The following RAB12 variants were observed in gnomAD, a reference collection of about 807,000 sequenced individuals.
RAB12 encodes the protein RAB12, member RAS oncogene family, also known as ras-related protein Rab-12.
Under a neutral mutation model 28.4 loss-of-function variants are expected in RAB12, and 11 were observed. The ratio of observed to expected loss-of-function variants is 0.39; its 90% confidence interval spans 0.24 to 0.64. RAB12 has a LOEUF of 0.64. Ranked by LOEUF, RAB12 falls within the 30% of genes least tolerant of loss-of-function variation. The pLI is 0.50. For synonymous variants in RAB12, 138 were observed against 145.3 expected (o/e 0.95, Z 0.36); for missense variants, 276 against 351.1 (o/e 0.79, Z 1.71).
intron 1 of RAB12, among the ~76,000 whole-genome samples, chr18:8,623,129 G>A (rs922981992): frequency 6.6e-6 from 1 of 152,170 alleles, no homozygotes; most frequent in Non-Finnish European, 1.5e-5. Context: ...CGGCTTACAA[G>A]ATGACAGGAT....
chr18:8,626,840 AG>A (rs1291878707), intron 2 of RAB12, among the ~76,000 whole-genome samples: 1 of 152,224 alleles, frequency 6.6e-6, no homozygotes, highest in African/African-American at 2.4e-5. Flanking sequence ...GCATGGGCAA[AG>A]AGCGTAACTA....
intron 2 of RAB12, among the ~76,000 whole-genome samples, chr18:8,631,096 G>T (rs2148710785): frequency 6.6e-6 from 1 of 152,280 alleles, no homozygotes; most frequent in South Asian, 2.1e-4. Flanking sequence ...CACCATGTTG[G>T]CCAGGCTGGT....
rs761301284 is a variant in RAB12, at chr18:8,624,934, A to G, written c.515-4A>G. 2.6e-6 allele frequency: 4 copies of G among 1,550,502 alleles called. No individual in the cohort carries two copies. The East Asian group carries it at 9.0e-5, about 35-fold the overall frequency. On this transcript the variant is annotated splice_region_variant and splice_polypyrimidine_tract_variant and intron_variant, in intron 1 of 5. Coordinates refer to ENST00000649141, the MANE Select transcript of RAB12 (RefSeq NM_001025300.3). ...TGCTTCACATTTATTTGTTTTATTT[A>G]CAGGTGTTGACTTCAAAATCAAAAC...
At chr18:8,622,510 G>T (rs138724786) in intron 1 of RAB12, among the ~76,000 whole-genome samples, 220 of 152,296 alleles carry the variant, frequency 1.4e-3, no homozygotes, top group African/African-American at 5.2e-3. Context: ...TTCAAAAGGG[G>T]AGGGAGTGTG....
At chr18:8,619,282 G>T (rs553065232) in intron 1 of RAB12, among the ~76,000 whole-genome samples, 1 of 152,372 alleles carries the variant, frequency 6.6e-6, no homozygotes, top group East Asian at 1.9e-4. Flanking sequence ...CCTAGATGTG[G>T]ACCACAGTGG....
intron 1 of RAB12, among the ~76,000 whole-genome samples, chr18:8,618,570 C>T (rs979923070): frequency 5.9e-5 from 9 of 151,370 alleles, no homozygotes; most frequent in Non-Finnish European, 1.2e-4. Context: ...AGTACAGTGG[C>T]GCGATATTGG....
At chr18:8,616,867 T>C (rs1470506070) in intron 1 of RAB12, among the ~76,000 whole-genome samples, 1 of 152,068 alleles carries the variant, frequency 6.6e-6, no homozygotes, top group South Asian at 2.1e-4. Context: ...AGATCTAGGC[T>C]GCAGTGAGCA....
intron 2 of RAB12, among the ~76,000 whole-genome samples, chr18:8,632,402 G>A (rs117022871): frequency 0.039 from 6,008 of 152,186 alleles, 171 homozygotes; most frequent in Non-Finnish European, 0.059. Context: ...GTGCAGACTT[G>A]AGGAGCTTCC....
In RAB12 at chr18:8,609,831, C is replaced by T. The variant is rs1230377939; in HGVS notation, c.392C>T (p.Pro131Leu). 5.8e-6 allele frequency: 9 copies of T among 1,550,440 alleles called. No homozygotes were observed. Among genetic ancestry groups the T allele is most frequent in the Non-Finnish European group, 6.9e-6 (8 of 1,151,202 alleles). Residue 131 changes from proline to leucine, a missense_variant, in exon 1 of 6, where the codon CCC (proline) becomes CTC (leucine). Coordinates refer to ENST00000649141, the MANE Select transcript of RAB12 (RefSeq NM_001025300.3). ...SGGQGRRRKQ[P>L]PRPADFKLQV... ...GGCCAGGGCCGCCGGAGGAAGCAGC[C>T]CCCCAGGCCGGCCGACTTCAAGTTG...
intron 2 of RAB12, among the ~76,000 whole-genome samples, chr18:8,628,809 AT>A (rs1163493072): frequency 6.6e-6 from 1 of 152,146 alleles, no homozygotes; most frequent in African/African-American, 2.4e-5. Context: ...TAAAACTCCT[AT>A]TATCTGTAAT....
In RAB12 at chr18:8,609,478, C is replaced by G. The variant is rs752836081; in HGVS notation, c.39C>G (p.Ser13=). 6.6e-6 allele frequency: 1 copy of G among 150,888 alleles called. No homozygotes were observed. The highest frequency in any genetic ancestry group is 1.5e-5 in the Non-Finnish European group (1 of 67,412). 9.3% of individuals were successfully genotyped at this position (150,888 alleles called of 1,614,324 possible). A position where few individuals can be genotyped will look rare whatever the true frequency, so the allele number is the denominator to read the frequency against. Residue 13 remains serine (S), a synonymous_variant, in exon 1 of 6, where the codon TCC becomes TCG. Coordinates refer to ENST00000649141, the MANE Select transcript of RAB12 (RefSeq NM_001025300.3). ...TACTGCGGAGTAGCTGCTTCCCTTCCTCCTCTCCCGGCGGCGGCGGCGGCA... is the reference window on the plus strand; with the variant it reads ...TACTGCGGAGTAGCTGCTTCCCTTCGTCCTCTCCCGGCGGCGGCGGCGGCA... ...LPLLRSSCFP[S]SSPGGGGGSG...
Position 8,624,889 on chromosome 18 carries a change from A to G in RAB12, c.515-49A>G, listed in dbSNP as rs56371226. 12,985 of 1,167,910 alleles carry G rather than the reference A, an allele frequency of 0.011. 89 individuals are homozygous for G. The highest frequency in any genetic ancestry group is 0.014 in the Non-Finnish European group (11,114 of 784,074). 72.3% of individuals were successfully genotyped at this position (1,167,910 alleles called of 1,614,324 possible). On this transcript the variant is annotated intron_variant, in intron 1 of 5. Transcript: ENST00000649141. ...ACAAATAGGATTATTTTGTATGACA[A>G]ATTGCATCTTTGTTGTTTTTGCTTC...
rs546663182 is a variant in RAB12, at chr18:8,619,450, C to G, written c.515-5488C>G. 2.6e-5 allele frequency among the ~76,000 whole-genome samples: 4 copies of G among 152,326 alleles called. No individual in the cohort carries two copies. The East Asian group carries it at 7.7e-4, about 29-fold the overall frequency. On this transcript the variant is annotated intron_variant, in intron 1 of 5. Transcript: ENST00000649141. ...CATAGAAATCTTACAAGCACTAAGT[C>G]CAGGGATTCCTCCCGCTGTTGCTAG...
chr18:8,615,342 GA>G (rs2096006168), intron 1 of RAB12, among the ~76,000 whole-genome samples: 1 of 152,170 alleles, frequency 6.6e-6, no homozygotes, highest in Non-Finnish European at 1.5e-5. Context: ...ATTTTTGTTA[GA>G]AAACCCAGAA....
chr18:8,623,816 A>G (rs2096011205), intron 1 of RAB12, among the ~76,000 whole-genome samples: 1 of 152,254 alleles, frequency 6.6e-6, no homozygotes, highest in Non-Finnish European at 1.5e-5. Flanking sequence ...TTTTATATTC[A>G]TGCAACTTCT....
chr18:8,620,810 AG>A (rs1490165947), intron 1 of RAB12, among the ~76,000 whole-genome samples: 1 of 152,184 alleles, frequency 6.6e-6, no homozygotes, highest in Non-Finnish European at 1.5e-5. Flanking sequence ...ATGGGCTAGA[AG>A]AGAGTTCAGG....
At chr18:8,622,296 G>A (rs1208853876) in intron 1 of RAB12, among the ~76,000 whole-genome samples, 1 of 152,166 alleles carries the variant, frequency 6.6e-6, no homozygotes, top group Non-Finnish European at 1.5e-5. Context: ...GGAAACAAAA[G>A]TAAAATAGAA....
chr18:8,639,149 T>TTTTTG lies in RAB12; in HGVS notation c.*891_*892insGTTTT, dbSNP rs1181083209. 1 of 67,740 alleles carries TTTTTG rather than the reference T, an allele frequency of 1.5e-5. No homozygotes were observed. Among genetic ancestry groups the TTTTTG allele is most frequent in the East Asian group, 3.5e-4 (1 of 2,872 alleles). 4.2% of individuals were successfully genotyped at this position (67,740 alleles called of 1,614,324 possible). A position where few individuals can be genotyped will look rare whatever the true frequency, so the allele number is the denominator to read the frequency against. On this transcript the variant is annotated 3_prime_UTR_variant, in exon 6 of 6. Transcript: ENST00000649141. ...TCTGATTAAGCCTAGACTGTGTTCT[T>TTTTTG]TTTTTTTTTTTTTTTTTTTTTTTTT...
intron 1 of RAB12, among the ~76,000 whole-genome samples, chr18:8,620,574 T>A (rs772784813): frequency 1.3e-5 from 2 of 151,914 alleles, no homozygotes; most frequent in Non-Finnish European, 2.9e-5. Context: ...TTTTTTTAAC[T>A]AATCAGTCCT....
Sources: allele counts gnomAD v4.1 joint callset (sites outside exome capture counted in the v4.1 genomes callset), GRCh38; gene constraint gnomAD v4.1.1; transcripts MANE v1.5; gene names NCBI Gene and HGNC (gene_info 2026-07-23, HGNC 2026-07-21).